Variants in TIAM1 observed in about 807,000 individuals in gnomAD.
TIAM1 encodes rho guanine nucleotide exchange factor TIAM1.
In TIAM1, 65 loss-of-function variants were observed where a neutral mutation model predicts 163.5. The observed-to-expected ratio is 0.40, with a 90% CI of 0.33 to 0.49. TIAM1 has a LOEUF of 0.49. Among genes scored for constraint, TIAM1 ranks in the 20% least tolerant of loss-of-function variants. The probability of loss-of-function intolerance (pLI) is 0.77; values close to 1 mark genes in which losing one functional copy is unlikely to be tolerated. For synonymous variants in TIAM1, 833 were observed against 810.1 expected, an observed-to-expected ratio of 1.03 and a Z score of -0.48; for missense variants, 1,789 against 2,044.7, an observed-to-expected ratio of 0.87 and a Z score of 2.41.
chr21:31,410,339 C>T lies in TIAM1; in HGVS notation c.-369+53644G>A, dbSNP rs202151656. Among the ~76,000 whole-genome samples the T allele has an allele frequency of 4.5e-4, 68 of 149,764 alleles. No homozygotes were observed. The East Asian group carries it at 0.011, about 24-fold the overall frequency. ...GTGTGTGAGTATATGTAGGAGACTGCGAGTGTGTGTGTGTATGTGTGAGCA... is the reference window on the plus strand; with the variant it reads ...GTGTGTGAGTATATGTAGGAGACTGTGAGTGTGTGTGTGTATGTGTGAGCA... On this transcript the variant is annotated intron_variant, in intron 2 of 28. Transcript: ENST00000286827.
rs1412818351 is a variant in TIAM1 at position 31,418,320 on chromosome 21, CGACA to C, written c.-369+45659_-369+45662del. Among the ~76,000 whole-genome samples the C allele has an allele frequency of 3.3e-5, 4 of 121,310 alleles. No individual in the cohort carries two copies. The Admixed American group carries it at 4.7e-4, about 14-fold the overall frequency. 79.6% of individuals were successfully genotyped at this position (121,310 alleles called of 152,430 possible). ...TCACGCCACTGCACTCCAGCCTGGG[CGACA>C]GAGCGAGACTCTGTCTCAAAAAAAA... On this transcript the variant is annotated intron_variant, in intron 2 of 28. Transcript: ENST00000286827.
chr21:31,194,102 C>G (rs1386697563), intron 13 of TIAM1, among the ~76,000 whole-genome samples: 2 of 151,820 alleles, frequency 1.3e-5, no homozygotes, highest in East Asian at 3.9e-4. Context: ...ACCCCTCTCT[C>G]TCTGCAGGAG....
chr21:31,134,173 T>A (rs139975654), intron 23 of TIAM1, among the ~76,000 whole-genome samples: 269 of 152,318 alleles, frequency 1.8e-3, no homozygotes, highest in African/African-American at 6.3e-3. Flanking sequence ...GATTTCTAAC[T>A]ACAGTGAATC....
intron 4 of TIAM1, among the ~76,000 whole-genome samples, chr21:31,253,751 T>C (rs1437752922): frequency 2.0e-5 from 3 of 152,154 alleles, no homozygotes; most frequent in Non-Finnish European, 2.9e-5. Context: ...CCCCTATAAC[T>C]GCTGGTTCCC....
chr21:31,224,988 A>T (rs1355177247), intron 7 of TIAM1, among the ~76,000 whole-genome samples: 1 of 151,976 alleles, frequency 6.6e-6, no homozygotes, highest in Non-Finnish European at 1.5e-5. Flanking sequence ...ATATATCTAG[A>T]TCTAGATAGA....
In TIAM1 at chr21:31,539,270, C is replaced by CTTT. The variant is rs59981509; in HGVS notation, c.-422+19654_-422+19656dup. Among the ~76,000 whole-genome samples, 50 of 144,376 alleles carry CTTT rather than the reference C, an allele frequency of 3.5e-4. 1 individual carries two copies. Among genetic ancestry groups the CTTT allele is most frequent in the African/African-American group, 1.3e-3 (50 of 38,024 alleles). 94.7% of individuals were successfully genotyped at this position (144,376 alleles called of 152,430 possible). A position where few individuals can be genotyped will look rare whatever the true frequency, so the allele number is the denominator to read the frequency against. ...AGGGGAAGAGAGGGAATGGGTTACT[C>CTTT]TTTTTTTTTTTTTGAGACAGAGTCC... is the stretch of plus-strand genomic sequence containing the variant. On this transcript the variant is annotated intron_variant, in intron 1 of 28. Transcript: ENST00000286827.
chr21:31,137,584 T>A (rs1601233916), intron 22 of TIAM1, among the ~76,000 whole-genome samples: 1 of 151,912 alleles, frequency 6.6e-6, no homozygotes, highest in Non-Finnish European at 1.5e-5. Context: ...AAGGCCAACA[T>A]GGTAGACTGT....
intron 15 of TIAM1, among the ~76,000 whole-genome samples, chr21:31,172,759 T>G (rs985665100): frequency 1.3e-5 from 2 of 151,958 alleles, no homozygotes; most frequent in African/African-American, 4.8e-5. Flanking sequence ...TCCCAAACTC[T>G]TGAGAGGTTA....
At chr21:31,325,121 A>C (rs994483541) in intron 2 of TIAM1, among the ~76,000 whole-genome samples, 5 of 150,946 alleles carry the variant, frequency 3.3e-5, no homozygotes, top group African/African-American at 1.2e-4. Context: ...CTCTACAAAA[A>C]AAAAATACAA....
chr21:31,517,051 A>AG (rs1196271890), intron 1 of TIAM1, among the ~76,000 whole-genome samples: 1 of 149,460 alleles, frequency 6.7e-6, no homozygotes, highest in Non-Finnish European at 1.5e-5. Flanking sequence ...TCTGTCTCAA[A>AG]AAAAAAAAAA....
chr21:31,389,830 C>T (rs1292150385), intron 2 of TIAM1, among the ~76,000 whole-genome samples: 2 of 152,240 alleles, frequency 1.3e-5, no homozygotes, highest in East Asian at 3.9e-4. Context: ...AAATCAATTC[C>T]TAAAGCACAT....
chr21:31,551,979 A>C (rs1419835005), intron 1 of TIAM1, among the ~76,000 whole-genome samples: 1 of 151,872 alleles, frequency 6.6e-6, no homozygotes, highest in Non-Finnish European at 1.5e-5. Context: ...AGACTGTTAC[A>C]ATACTTTTCA....
chr21:31,243,453 G>C (rs1445634699), intron 6 of TIAM1, among the ~76,000 whole-genome samples: 1 of 151,578 alleles, frequency 6.6e-6, no homozygotes, highest in African/African-American at 2.4e-5. Flanking sequence ...CACCAAAGGA[G>C]TGGAGCAAGA....
chr21:31,444,014 A>C (rs756965094), intron 2 of TIAM1, among the ~76,000 whole-genome samples: 9 of 152,254 alleles, frequency 5.9e-5, no homozygotes, highest in Non-Finnish European at 1.3e-4. Context: ...GCTGCAGTTC[A>C]TCCTTAGACC....
In TIAM1 at chr21:31,324,239, A is replaced by C. The variant is rs78923054; in HGVS notation, c.-189+15004T>G. 7.2e-3 allele frequency among the ~76,000 whole-genome samples: 1,098 copies of C among 151,932 alleles called. 8 individuals carry two copies. The highest frequency in any genetic ancestry group is 0.024 in the African/African-American group (1,012 of 41,434). ...AACAATAACTCAATTCAGTGGACAG[A>C]CTGTGGGTGGATACTGTAAAGGAGA... On this transcript the variant is annotated intron_variant, in intron 2 of 27. Transcript: ENST00000541036.
intron 10 of TIAM1, among the ~76,000 whole-genome samples, chr21:31,211,942 G>T (rs560567673): frequency 1.3e-5 from 2 of 152,182 alleles, no homozygotes; most frequent in Non-Finnish European, 2.9e-5. Context: ...AAGTTCTGTG[G>T]TCTAGAGAAG....
At chr21:31,163,070 T>C (rs1232961513) in intron 16 of TIAM1, among the ~76,000 whole-genome samples, 1 of 152,072 alleles carries the variant, frequency 6.6e-6, no homozygotes, top group Non-Finnish European at 1.5e-5. Context: ...TCTCTCAAAA[T>C]CCACAAGGAG....
rs529159060 is a variant in TIAM1 at position 31,241,839 on chromosome 21, T to C, written c.1584+3649A>G. ...CTGGGCAACATAGCAAGATTCTGTCTTTAAAAAATATTTTTAAAAAATCAG... is the reference window on the plus strand; with the variant it reads ...CTGGGCAACATAGCAAGATTCTGTCCTTAAAAAATATTTTTAAAAAATCAG... On this transcript the variant is annotated intron_variant, in intron 6 of 27. Coordinates refer to ENST00000541036, the MANE Select transcript of TIAM1 (RefSeq NM_001353694.2). Among the ~76,000 whole-genome samples, 9 of 151,692 alleles carry C rather than the reference T, an allele frequency of 5.9e-5. No individual in the cohort carries two copies. The South Asian group carries it at 1.9e-3, about 32-fold the overall frequency.
At chr21:31,335,364 T>C (rs538713350) in intron 2 of TIAM1, among the ~76,000 whole-genome samples, 14 of 152,080 alleles carry the variant, frequency 9.2e-5, no homozygotes, top group African/African-American at 3.1e-4. Context: ...TTCAACAAGC[T>C]CATGAACAGT....
Sources: gnomAD v4.1 joint callset for allele counts (sites outside exome capture counted in the v4.1 genomes callset) on GRCh38, gnomAD v4.1.1 for gene constraint, MANE v1.5 for transcripts, NCBI Gene and HGNC (gene_info 2026-07-23, HGNC 2026-07-21) for gene names.